The following TRIM22 variants were observed in gnomAD, a reference collection of about 807,000 sequenced individuals.
TRIM22 encodes E3 ubiquitin-protein ligase TRIM22.
TRIM22 carries 45 observed loss-of-function variants against 53.6 expected under a neutral mutation model. The ratio of observed to expected loss-of-function variants is 0.84; its 90% confidence interval spans 0.66 to 1.08. The LOEUF is 1.08. TRIM22 is among the 50% of genes least tolerant of loss of function. The pLI is 0.00. For missense variants in TRIM22, 616 were observed against 590.9 expected, an observed-to-expected ratio of 1.04 and a Z score of -0.44; for synonymous variants, 225 against 216.6, an observed-to-expected ratio of 1.04 and a Z score of -0.34.
At chr11:5,708,370 G>T (rs1272703377) in intron 6 of TRIM22, 97 bp downstream of exon 6, 1 of 1,178,722 alleles carries the variant, frequency 8.5e-7, no homozygotes, top group Non-Finnish European at 1.2e-6. Flanking sequence ...TATAGGAGAG[G>T]AGGTGGGCCA....
intron 4 of TRIM22, among the ~76,000 whole-genome samples, chr11:5,703,677 G>T (rs544398619): frequency 1.1e-5 from 1 of 95,122 alleles, no homozygotes; most frequent in African/African-American, 4.4e-5. Context: ...GAGCCACCGC[G>T]CCCGGAAATT....
In TRIM22 at chr11:5,708,582, A is replaced by G. The variant is rs776377434; in HGVS notation, c.880A>G (p.Thr294Ala). 4.5e-5 allele frequency: 72 copies of G among 1,605,080 alleles called. No homozygotes were observed. In the South Asian group the frequency reaches 7.1e-4, roughly 16 times the overall value. The change falls in exon 7 of 8, where the codon ACA becomes GCA. Residue 294 changes from threonine to alanine, a missense_variant. Thr to Ala is a moderately conservative substitution (Grantham distance 58, BLOSUM62 0). Transcript: ENST00000379965. ...SGMLQVLKEL[T>A]DVQYYWVDVM... Reference sequence around the variant, plus strand: ...TGAAACTTTTGTCGTTTCAGAGCTGACAGATGTCCAGTACTACTGGGGTAA... The same window carrying G: ...TGAAACTTTTGTCGTTTCAGAGCTGGCAGATGTCCAGTACTACTGGGGTAA...
intron 4 of TRIM22, among the ~76,000 whole-genome samples, chr11:5,703,170 A>G (rs1853399559): frequency 6.6e-6 from 1 of 152,172 alleles, no homozygotes; most frequent in Non-Finnish European, 1.5e-5. Flanking sequence ...ATATTACCCA[A>G]TCAGTAGTTT....
Position 5,709,674 on chromosome 11 carries a change from T to A in TRIM22, c.*26T>A, listed in dbSNP as rs2134185752. The A allele has an allele frequency of 6.3e-7, 1 of 1,577,040 alleles. No individual in the cohort carries two copies. The highest frequency in any genetic ancestry group is 1.3e-5 in the African/African-American group (1 of 74,534). ...GTGTTCTCATTCCTTTACCCACTTC[T>A]GCATAGTAGCCCTTGTGCTGAGACT... is the stretch of plus-strand genomic sequence containing the variant. On this transcript the variant is annotated 3_prime_UTR_variant, in exon 8 of 8. Coordinates refer to ENST00000379965, the MANE Select transcript of TRIM22 (RefSeq NM_006074.5).
In TRIM22 at chr11:5,709,424, T is replaced by C. The variant is rs1380923221; in HGVS notation, c.1273T>C (p.Ser425Pro). Reference protein sequence around the residue: ...TCEYNAFEDSSSSDPKVLTLF... With the variant: ...TCEYNAFEDSPSSDPKVLTLF... The stretch of plus-strand genomic sequence containing the variant: ...TGAATATAATGCTTTTGAGGACTCC[T>C]CCTCTTCTGATCCCAAGGTTTTGAC... The change falls in exon 8 of 8, where the codon TCC becomes CCC. Residue 425 changes from serine (S) to proline (P), a missense_variant. Ser to Pro is a moderately conservative substitution (Grantham distance 74). Coordinates refer to ENST00000379965, the MANE Select transcript of TRIM22 (RefSeq NM_006074.5). 1.9e-6 allele frequency: 3 copies of C among 1,614,112 alleles called. No homozygotes were observed. Among genetic ancestry groups the C allele is most frequent in the Non-Finnish European group, 2.5e-6 (3 of 1,180,050 alleles).
Position 5,696,388 on chromosome 11 carries a change from G to T in TRIM22, c.156G>T (p.Gly52=). 6.2e-7 allele frequency: 1 copy of T among 1,614,236 alleles called. No homozygotes were observed. The highest frequency in any genetic ancestry group is 2.2e-5 in the East Asian group (1 of 44,886). ...KIKESVIISR[G]ESSCPVCQTR... ...AGGAGTCAGTGATCATCTCAAGAGG[G>T]GAAAGCAGCTGTCCTGTGTGTCAGA... The change falls in exon 2 of 8, where the codon GGG becomes GGT. Residue 52 remains glycine, a synonymous_variant. Transcript: ENST00000379965.
At position 5,698,439 on chromosome 11, in the gene TRIM22, AC is replaced by A; in HGVS notation, c.646del (p.Leu216TrpfsTer26). On this transcript the variant is annotated frameshift_variant, in exon 4 of 8. Coordinates refer to ENST00000379965, the MANE Select transcript of TRIM22 (RefSeq NM_006074.5). LOFTEE classifies it high-confidence loss of function. ...LEEGEVNVLD[N>X]LAAATDQLVQ... ...GAAGGTGAGGTGAATGTGCTGGATA[AC>A]CTGGCAGCAGCTACAGACCAGCTGG... 3.7e-6 allele frequency: 6 copies of A among 1,614,152 alleles called. No homozygotes were observed. The highest frequency in any genetic ancestry group is 5.1e-6 in the Non-Finnish European group (6 of 1,179,988).
Position 5,709,809 on chromosome 11 carries a change from A to G in TRIM22, c.*161A>G, listed in dbSNP as rs969125956. On this transcript the variant is annotated 3_prime_UTR_variant, in exon 8 of 8. Coordinates refer to ENST00000379965, the MANE Select transcript of TRIM22 (RefSeq NM_006074.5). Reference sequence around the variant, plus strand: ...TTTGCTAGGGCTTCCATAGCAAAGCATCATAGATTGCTGATTTAAACTGTA... The same window carrying G: ...TTTGCTAGGGCTTCCATAGCAAAGCGTCATAGATTGCTGATTTAAACTGTA... 1.5e-6 allele frequency: 1 copy of G among 657,058 alleles called. No homozygotes were observed. The highest frequency in any genetic ancestry group is 1.8e-5 in the African/African-American group (1 of 55,394). 40.7% of individuals were successfully genotyped at this position (657,058 alleles called of 1,614,324 possible). A position where few individuals can be genotyped will look rare whatever the true frequency, so the allele number is the denominator to read the frequency against.
intron 4 of TRIM22, among the ~76,000 whole-genome samples, chr11:5,699,772 G>T (rs1422672066): frequency 6.9e-6 from 1 of 145,960 alleles, no homozygotes; most frequent in African/African-American, 2.5e-5. Flanking sequence ...GAACATAATG[G>T]TATCTCAATG....
chr11:5,695,997 G>A (rs1008852630), intron 1 of TRIM22, among the ~76,000 whole-genome samples, 170 bp from the exon 2 acceptor site: 19 of 152,256 alleles, frequency 1.2e-4, no homozygotes, highest in African/African-American at 4.1e-4. Context: ...AGAATAAAGT[G>A]TTTGAAATTA....
Position 5,706,590 on chromosome 11 carries a change from C to A in TRIM22, c.751-4C>A, listed in dbSNP as rs776256739. The A allele has an allele frequency of 1.9e-6, 3 of 1,611,670 alleles. No homozygotes were observed. Among genetic ancestry groups the A allele is most frequent in the Non-Finnish European group, 2.5e-6 (3 of 1,178,616 alleles). On this transcript the variant is annotated splice_region_variant and splice_polypyrimidine_tract_variant and intron_variant, in intron 4 of 7. Transcript: ENST00000379965. Reference sequence around the variant, plus strand: ...TTGACTCATGTTTTCTATCTTTTCCCCAGGATGTGATTGACGTCATGAAAA... The same window carrying A: ...TTGACTCATGTTTTCTATCTTTTCCACAGGATGTGATTGACGTCATGAAAA...
chr11:5,708,242 A>C lies in TRIM22; in HGVS notation c.843A>C (p.Pro281=), dbSNP rs905688503. ...SKKLKSVFRV[P]DLSGMLQVLK... is the part of the protein sequence containing the mutation. The stretch of plus-strand genomic sequence containing the variant: ...AACTAAAGAGTGTATTCCGAGTACC[A>C]GATCTGAGTGGGATGCTGCAAGTTC... The change falls in exon 6 of 8, where the codon CCA becomes CCC. Residue 281 remains proline (P), a synonymous_variant. Transcript: ENST00000379965. The C allele has an allele frequency of 8.7e-6, 14 of 1,614,210 alleles. No individual in the cohort carries two copies. Among genetic ancestry groups the C allele is most frequent in the Non-Finnish European group, 1.2e-5 (14 of 1,180,014 alleles).
intron 4 of TRIM22, among the ~76,000 whole-genome samples, chr11:5,700,566 G>T: frequency 7.8e-6 from 1 of 127,816 alleles, no homozygotes; most frequent in Non-Finnish European, 1.6e-5. Context: ...TTATAAGTAT[G>T]ATGTTAGCTA....
chr11:5,693,651 G>A (rs1388826647), intron 1 of TRIM22, among the ~76,000 whole-genome samples: 2 of 148,826 alleles, frequency 1.3e-5, no homozygotes, highest in Non-Finnish European at 3.0e-5. Flanking sequence ...GAACCCGAGA[G>A]GCGGAGCTGG....
intron 4 of TRIM22, among the ~76,000 whole-genome samples, chr11:5,702,772 C>T (rs1853393185): frequency 6.6e-6 from 1 of 152,146 alleles, no homozygotes; most frequent in Non-Finnish European, 1.5e-5. Context: ...AGTGCTCTTT[C>T]TCTCTTTGTG....
At chr11:5,702,757 T>C (rs978765358) in intron 4 of TRIM22, among the ~76,000 whole-genome samples, 6 of 152,198 alleles carry the variant, frequency 3.9e-5, no homozygotes, top group Non-Finnish European at 5.9e-5. Flanking sequence ...CTTTACTTCT[T>C]TTTCAGTGCT....
chr11:5,708,126 A>C, intron 5 of TRIM22, 47 bp from the exon 6 acceptor site: 1 of 1,446,114 alleles, frequency 6.9e-7, no homozygotes, highest in Non-Finnish European at 9.7e-7. Flanking sequence ...TTGGATGGAG[A>C]GAAATAGGGC....
intron 2 of TRIM22, 43 bp from the exon 3 acceptor site, chr11:5,697,205 A>G (rs772389956): frequency 1.5e-5 from 22 of 1,479,370 alleles, no homozygotes; most frequent in Non-Finnish European, 2.0e-5. Context: ...TCAGGTGCTG[A>G]GAAAGCTCAT....
intron 4 of TRIM22, among the ~76,000 whole-genome samples, chr11:5,700,488 C>T (rs7927644): frequency 0.6 from 90,415 of 150,872 alleles, 27,284 homozygotes; most frequent in African/African-American, 0.66. Flanking sequence ...CAATGTTCAA[C>T]AGGGATGGTG....
Sources: allele counts gnomAD v4.1 joint callset (sites outside exome capture counted in the v4.1 genomes callset), GRCh38; gene constraint gnomAD v4.1.1; transcripts MANE v1.5; gene names NCBI Gene and HGNC (gene_info 2026-07-23, HGNC 2026-07-21).